Variants in PLEKHN1 observed in about 807,000 individuals in gnomAD.
The protein encoded by PLEKHN1 is pleckstrin homology domain containing N1.
Under a neutral mutation model 72.8 loss-of-function variants are expected in PLEKHN1, and 68 were observed. The ratio of observed to expected loss-of-function variants is 0.93; its 90% CI spans 0.77 to 1.14. The LOEUF is 1.14. PLEKHN1 is among the 50% of genes most tolerant of loss of function. The pLI, the probability that PLEKHN1 is intolerant of heterozygous loss-of-function variation, is 0.00. For missense variants in PLEKHN1, 1,015 were observed against 840.5 expected (o/e 1.21, Z -2.57); for synonymous variants, 454 against 371.6 (o/e 1.22, Z -2.55).
rs1643228740 is a variant in PLEKHN1 at position 970,138 on chromosome 1, G to A, written c.184-139G>A. On this transcript the variant is annotated intron_variant, in intron 2 of 15. Transcript: ENST00000379410. This position sits in a 1 kb window ranked among gnomAD's most constrained non-coding sequence, Gnocchi z 4.2. ...GTGGCTGTGCACAGGTTCTGTGCCT[G>A]TGGGGGGCTGTTCTTCACATATGTG... 1.3e-6 allele frequency: 1 copy of A among 787,232 alleles called. No homozygotes were observed. 48.8% of individuals were successfully genotyped at this position (787,232 alleles called of 1,614,324 possible). A position where few individuals can be genotyped will look rare whatever the true frequency, so the allele number is the denominator to read the frequency against.
In PLEKHN1 at chr1:974,704, G is replaced by C; in HGVS notation, c.*129G>C. On this transcript the variant is annotated 3_prime_UTR_variant, in exon 16 of 16. Coordinates refer to ENST00000379410, the MANE Select transcript of PLEKHN1 (RefSeq NM_032129.3). ...ATGGGGGGAGTCTCTGGGGCCCTGA[G>C]TTCAGAGCCCGTCCCTCAGCTCCTG... is the stretch of plus-strand genomic sequence containing the variant. 8.5e-7 allele frequency: 1 copy of C among 1,179,356 alleles called. No homozygotes were observed. Among genetic ancestry groups the C allele is most frequent in the Non-Finnish European group, 1.2e-6 (1 of 868,364 alleles). 73.1% of individuals were successfully genotyped at this position (1,179,356 alleles called of 1,614,324 possible).
chr1:970,035 G>A lies in PLEKHN1; in HGVS notation c.184-242G>A, dbSNP rs937332914. Among the ~76,000 whole-genome samples, 1 of 148,188 alleles carries A rather than the reference G, an allele frequency of 6.7e-6. No individual in the cohort carries two copies. The highest frequency in any genetic ancestry group is 1.5e-5 in the Non-Finnish European group (1 of 66,548). Reference sequence around the variant, plus strand: ...TGCACAGGTTCTGTGCCTGTGGGGGGCTGTTCTTCACGTATGTGTTGTGTG... The same window carrying A: ...TGCACAGGTTCTGTGCCTGTGGGGGACTGTTCTTCACGTATGTGTTGTGTG... On this transcript the variant is annotated intron_variant, in intron 2 of 15. Coordinates refer to ENST00000379410, the MANE Select transcript of PLEKHN1 (RefSeq NM_032129.3). The surrounding 1 kb of genome is among the most constrained non-coding windows in gnomAD (Gnocchi z 4.2).
chr1:973,701 G>T, intron 13 of PLEKHN1, 61 bp downstream of exon 13: 1 of 1,590,164 alleles, frequency 6.3e-7, no homozygotes, highest in Non-Finnish European at 8.6e-7. Context: ...GGCTGGGGAG[G>T]TCTAGACCGT....
At position 973,673 on chromosome 1, in the gene PLEKHN1, G is replaced by A. The variant is rs116854740; in HGVS notation, c.1434+33G>A. On this transcript the variant is annotated intron_variant, in intron 13 of 15. Transcript: ENST00000379410. ...CCCTGCTGGGTGACAGAAAGGGTGG[G>A]AGGTGCCTGCAGCCTGAGGCTGGGG... is the stretch of plus-strand genomic sequence containing the variant. 9,951 of 1,606,872 alleles carry A rather than the reference G, an allele frequency of 6.2e-3. 126 individuals carry two copies. Among genetic ancestry groups the A allele is most frequent in the Admixed American group, 0.052 (3,127 of 59,880 alleles).
At position 971,117 on chromosome 1, in the gene PLEKHN1, G is replaced by T; in HGVS notation, c.617G>T (p.Arg206Leu). 6.3e-7 allele frequency: 1 copy of T among 1,596,896 alleles called. No individual in the cohort carries two copies. Among genetic ancestry groups the T allele is most frequent in the Non-Finnish European group, 8.5e-7 (1 of 1,172,478 alleles). Reference sequence around the variant, plus strand: ...GAACTCCCCTGGACTTTGCAGCGCCGTCTAACCCGGCTGCGGACGGCGTCA... The same window carrying T: ...GAACTCCCCTGGACTTTGCAGCGCCTTCTAACCCGGCTGCGGACGGCGTCA... ...RRCHSAPPQR[R>L]LTRLRTASGH... The change falls in exon 7 of 16, where the codon CGT (arginine) becomes CTT (leucine). Residue 206 changes from arginine (R) to leucine (L), a missense_variant. Arg to Leu is a moderately radical substitution (Grantham distance 102, BLOSUM62 -2). Coordinates refer to ENST00000379410, the MANE Select transcript of PLEKHN1 (RefSeq NM_032129.3).
Position 974,426 on chromosome 1 carries a change from C to T in PLEKHN1, c.1703-16C>T. On this transcript the variant is annotated splice_polypyrimidine_tract_variant and intron_variant, in intron 15 of 15. Coordinates refer to ENST00000379410, the MANE Select transcript of PLEKHN1 (RefSeq NM_032129.3). Reference sequence around the variant, plus strand: ...TTGCCTCCCACAGGCTGACACATCTCTGCCTTCCCTACCAGATGGTCGGTC... The same window carrying T: ...TTGCCTCCCACAGGCTGACACATCTTTGCCTTCCCTACCAGATGGTCGGTC... 6.2e-7 allele frequency: 1 copy of T among 1,612,950 alleles called. No homozygotes were observed. The highest frequency in any genetic ancestry group is 1.7e-5 in the Admixed American group (1 of 60,026).
At chr1:974,210 G>C in intron 14 of PLEKHN1, 106 bp from the exon 15 acceptor site, 1 of 1,555,244 alleles carries the variant, frequency 6.4e-7, no homozygotes, top group Non-Finnish European at 8.8e-7. Context: ...GATGGGACTG[G>C]GGAGGGAGAG....
intron 14 of PLEKHN1, 126 bp from the exon 15 acceptor site, chr1:974,190 G>A: frequency 1.3e-6 from 2 of 1,516,780 alleles, no homozygotes; most frequent in Middle Eastern, 2.2e-4. Context: ...GGCCAGTAGG[G>A]AGTTGGGGAG....
At chr1:969,856 T>G (rs1052950928) in intron 2 of PLEKHN1, among the ~76,000 whole-genome samples, 1 of 152,114 alleles carries the variant, frequency 6.6e-6, no homozygotes, top group African/African-American at 2.4e-5. Flanking sequence ...ACGTATCGGG[T>G]GTGTGTGCGT....
Position 973,482 on chromosome 1 carries a change from C to G in PLEKHN1, c.1294-18C>G, listed in dbSNP as rs372403366. 31 of 1,611,026 alleles carry G rather than the reference C, an allele frequency of 1.9e-5. No homozygotes were observed. Among genetic ancestry groups the G allele is most frequent in the Non-Finnish European group, 2.4e-5 (28 of 1,179,358 alleles). On this transcript the variant is annotated intron_variant, in intron 12 of 15. Transcript: ENST00000379410. ...GTTTCTAGCCGAGAAGCCCATTTCT[C>G]CCACCTCTGCCCTGCAGCTGCACAG...
chr1:972,767 A>G, intron 10 of PLEKHN1, 94 bp from the exon 11 acceptor site: 2 of 1,415,334 alleles, frequency 1.4e-6, no homozygotes, highest in Non-Finnish European at 9.4e-7. Flanking sequence ...CTTCGTCCCA[A>G]AAAGATAAAA....
rs571549928 is a variant in PLEKHN1 at position 970,491 on chromosome 1, TC to T, written c.331-28del. The T allele has an allele frequency of 2.2e-3, 3,570 of 1,613,046 alleles. 8 individuals carry two copies. The highest frequency in any genetic ancestry group is 3.2e-3 in the Admixed American group (192 of 60,004). On this transcript the variant is annotated intron_variant, in intron 3 of 15. Transcript: ENST00000379410. The surrounding 1 kb of genome is among the most constrained non-coding windows in gnomAD (Gnocchi z 4.2). ...CCCATCAGCCTGGGGCTCCCCAGAC[TC>T]CGCACTGACGACCCTGCTCCCCGCG...
chr1:972,234 G>A (rs1404464353), intron 9 of PLEKHN1, 54 bp from the exon 10 acceptor site: 1 of 1,599,778 alleles, frequency 6.3e-7, no homozygotes, highest in Non-Finnish European at 8.5e-7. Context: ...CTCTTTAGTG[G>A]GGGCGCTGAG....
At chr1:968,306 C>T (rs895227477) in intron 2 of PLEKHN1, among the ~76,000 whole-genome samples, 1 of 152,194 alleles carries the variant, frequency 6.6e-6, no homozygotes, top group Non-Finnish European at 1.5e-5. Context: ...CTCGCCAGCT[C>T]CTAGAAGGAG....
chr1:973,521 A>G lies in PLEKHN1; in HGVS notation c.1315A>G (p.Ser439Gly), dbSNP rs1643449610. The part of the protein sequence containing the change: ...LTQLHRLSLE[S>G]SPDAPDHTSE... Reference sequence around the variant, plus strand: ...GCAGCTGCACAGGCTGAGCCTGGAGAGCAGCCCAGATGCCCCTGACCACAC... The same window carrying G: ...GCAGCTGCACAGGCTGAGCCTGGAGGGCAGCCCAGATGCCCCTGACCACAC... The change falls in exon 13 of 16, where the codon AGC (serine) becomes GGC (glycine). Residue 439 changes from serine to glycine, a missense_variant. Physicochemically the swap from Ser to Gly is moderately conservative, Grantham distance 56. Transcript: ENST00000379410. 2 of 1,613,086 alleles carry G rather than the reference A, an allele frequency of 1.2e-6. No individual in the cohort carries two copies. The highest frequency in any genetic ancestry group is 1.7e-6 in the Non-Finnish European group (2 of 1,179,958).
rs761188225 is a variant in PLEKHN1 at position 973,969 on chromosome 1, G to A, written c.1571G>A (p.Gly524Glu). Residue 524 changes from glycine to glutamate, a missense_variant, in exon 14 of 16, where the codon GGA (glycine) becomes GAA (glutamate). By Grantham distance (98) the Gly-to-Glu change is moderately conservative. Coordinates refer to ENST00000379410, the MANE Select transcript of PLEKHN1 (RefSeq NM_032129.3). ...PAGPYLLSKK[G>E]ALQSRAAQRH... ...GGCCCCTACTTGCTCTCCAAGAAGG[G>A]AGCCCTGCAGTCCAGAGCCGCTCAG... 5 of 1,609,708 alleles carry A rather than the reference G, an allele frequency of 3.1e-6. No individual in the cohort carries two copies. The Admixed American group carries it at 5.0e-5, about 16-fold the overall frequency.
At position 974,518 on chromosome 1, in the gene PLEKHN1, G is replaced by A; in HGVS notation, c.1779G>A (p.Gln593=). 1 of 1,612,664 alleles carries A rather than the reference G, an allele frequency of 6.2e-7. No homozygotes were observed. The highest frequency in any genetic ancestry group is 8.5e-7 in the Non-Finnish European group (1 of 1,179,910). ...LWDETLSSSH[Q]KCPQLGGPEA... Reference sequence around the variant, plus strand: ...ACGAGACTTTGTCTTCCTCCCACCAGAAGTGCCCCCAGCTTGGAGGGCCTG... The same window carrying A: ...ACGAGACTTTGTCTTCCTCCCACCAAAAGTGCCCCCAGCTTGGAGGGCCTG... Residue 593 remains glutamine (Q), a synonymous_variant, in exon 16 of 16, where the codon CAG becomes CAA. Coordinates refer to ENST00000379410, the MANE Select transcript of PLEKHN1 (RefSeq NM_032129.3).
In PLEKHN1 at chr1:974,216, G is replaced by C. The variant is rs976152512; in HGVS notation, c.1654-100G>C. 6 of 1,564,626 alleles carry C rather than the reference G, an allele frequency of 3.8e-6. No homozygotes were observed. The African/African-American group carries it at 6.8e-5, about 18-fold the overall frequency. On this transcript the variant is annotated intron_variant, in intron 14 of 15. Transcript: ENST00000379410. ...AGTTGGGGAGATGGGACTGGGGAGG[G>C]AGAGCAGGGGGACATGGGGGGCTGC...
At position 970,603 on chromosome 1, in the gene PLEKHN1, T is replaced by A. The variant is rs1256495438; in HGVS notation, c.411+2T>A. ...GGCTCGGAAGGACTCACATTTCAGG[T>A]GAGGCGGTGGGCAATGGGGTGGGGC... On this transcript the variant is annotated splice_donor_variant, in intron 4 of 15. Transcript: ENST00000379410. LOFTEE classifies it high-confidence loss of function. The surrounding 1 kb of genome is among the most constrained non-coding windows in gnomAD (Gnocchi z 4.2). 1.2e-6 allele frequency: 2 copies of A among 1,612,004 alleles called. No individual in the cohort carries two copies. Among genetic ancestry groups the A allele is most frequent in the Non-Finnish European group, 1.7e-6 (2 of 1,179,482 alleles).
Sources: gnomAD v4.1 joint callset for allele counts (sites outside exome capture counted in the v4.1 genomes callset) on GRCh38, gnomAD v4.1.1 for gene constraint, Gnocchi (gnomAD v3.1) non-coding constraint, MANE v1.5 for transcripts, NCBI Gene and HGNC (gene_info 2026-07-23, HGNC 2026-07-21) for gene names.